The following ADGRV1 variants were observed in gnomAD, a reference collection of about 807,000 sequenced individuals.
ADGRV1 encodes the protein adhesion G protein-coupled receptor V1.
A neutral mutation model predicts 596.2 loss-of-function variants in ADGRV1; 359 were observed. That is an observed-to-expected ratio of 0.60 (90% confidence interval 0.55 to 0.66). The LOEUF is 0.66. ADGRV1 is among the 30% of genes least tolerant of loss of function. The pLI, the probability that ADGRV1 is intolerant of heterozygous loss-of-function variation, is 0.00. For synonymous variants in ADGRV1, 2,681 were observed against 2,679.2 expected (o/e 1.00, Z -0.02); for missense variants, 7,274 against 7,575.6 (o/e 0.96, Z 1.48).
At chr5:90,775,262 T>TA (rs1758106936) in intron 60 of ADGRV1, among the ~76,000 whole-genome samples, 1 of 152,172 alleles carries the variant, frequency 6.6e-6, no homozygotes, top group Non-Finnish European at 1.5e-5. Context: ...TCACTGTGTA[T>TA]ACTTAGGGTA....
chr5:90,728,050 G>A (rs879325254), intron 48 of ADGRV1, among the ~76,000 whole-genome samples: 2 of 152,102 alleles, frequency 1.3e-5, no homozygotes, highest in East Asian at 1.9e-4. Context: ...GGGAAAGGTC[G>A]CTGTATCCAT....
At chr5:90,978,898 A>T (rs1779850673) in intron 84 of ADGRV1, among the ~76,000 whole-genome samples, 1 of 152,228 alleles carries the variant, frequency 6.6e-6, no homozygotes, top group Admixed American at 6.5e-5. Context: ...ATATTTCTCA[A>T]TTAAAATTAT....
intron 83 of ADGRV1, chr5:90,929,421 T>A: frequency 6.5e-6 from 1 of 153,370 alleles, no homozygotes; most frequent in Non-Finnish European, 1.5e-5. Context: ...CCCCTTTCTT[T>A]GACTTGGAAA....
At chr5:90,777,784 T>C in intron 61 of ADGRV1, 121 bp from the exon 62 acceptor site, 2 of 926,934 alleles carry the variant, frequency 2.2e-6, no homozygotes, top group East Asian at 2.7e-5. Flanking sequence ...AATGAGGTTA[T>C]TTAAAAGAAA....
chr5:91,099,828 T>A (rs1415047918), intron 86 of ADGRV1, among the ~76,000 whole-genome samples: 1 of 152,172 alleles, frequency 6.6e-6, no homozygotes, highest in East Asian at 1.9e-4. Context: ...CTAATGAATT[T>A]CAATATATAG....
chr5:90,928,366 CTTCATTTCA>C (rs1242900482), intron 83 of ADGRV1, among the ~76,000 whole-genome samples: 2 of 151,840 alleles, frequency 1.3e-5, no homozygotes, highest in Non-Finnish European at 2.9e-5. Context: ...TTCCTTCTCA[CTTCATTTCA>C]TTCATTTCAT....
At chr5:90,958,283 C>CAAAAAAAAAAAAAAAAA (rs34676985) in intron 83 of ADGRV1, among the ~76,000 whole-genome samples, 11 of 72,794 alleles carry the variant, frequency 1.5e-4, no homozygotes, top group Non-Finnish European at 2.4e-4. Flanking sequence ...GACCTTGTCT[C>CAAAAAAAAAAAAAAAAA]AAAAAAAAAA....
intron 1 of ADGRV1, among the ~76,000 whole-genome samples, chr5:90,564,745 G>A (rs1451347310): frequency 4.6e-5 from 4 of 86,972 alleles, no homozygotes; most frequent in African/African-American, 2.5e-4. Context: ...TCCTGCCTCA[G>A]CCTCCCGAGT....
At chr5:91,035,861 T>TAATATATATATATATA in intron 85 of ADGRV1, among the ~76,000 whole-genome samples, 10 of 96,394 alleles carry the variant, frequency 1.0e-4, no homozygotes, top group South Asian at 3.5e-4. Flanking sequence ...TATATATATA[T>TAATATATATATATATA]TATATATATA....
At chr5:90,870,969 A>G (rs1165229131) in intron 83 of ADGRV1, among the ~76,000 whole-genome samples, 1 of 152,168 alleles carries the variant, frequency 6.6e-6, no homozygotes, top group Non-Finnish European at 1.5e-5. Flanking sequence ...ACCTAACTTA[A>G]TCACCTTATA....
In ADGRV1 at chr5:90,675,444, A is replaced by G; in HGVS notation, c.5312A>G (p.Gln1771Arg). Residue 1771 changes from glutamine (Q) to arginine (R), a missense_variant and splice_region_variant, in exon 24 of 90, where the codon CAG becomes CGG. By Grantham distance (43) the Gln-to-Arg change is conservative. Around this residue, in one of 5 missense-constraint regions of ADGRV1, gnomAD observed 3,643 missense variants for 3,809.2 expected, o/e 0.96. Transcript: ENST00000405460. The stretch of plus-strand genomic sequence containing the variant: ...ACAGCATTCAGTCCTGAGGATTACC[A>G]GGTAATTTACTCAGTCCTTTTGAAG... ...SLTAFSPEDY[Q>R]NVAGTLEFQP... 2 of 1,611,848 alleles carry G rather than the reference A, an allele frequency of 1.2e-6. No homozygotes were observed. Among genetic ancestry groups the G allele is most frequent in the South Asian group, 1.1e-5 (1 of 90,622 alleles).
At chr5:90,595,661 A>G (rs1285474728) in intron 1 of ADGRV1, among the ~76,000 whole-genome samples, 73 of 61,300 alleles carry the variant, frequency 1.2e-3, no homozygotes, top group Admixed American at 2.1e-3. Flanking sequence ...CGGGCGGGGA[A>G]CTGACCCCCC....
In ADGRV1 at chr5:90,944,012, A is replaced by G. The variant is rs946002180; in HGVS notation, c.17857-21403A>G. Among the ~76,000 whole-genome samples the G allele has an allele frequency of 2.0e-5, 3 of 152,024 alleles. No homozygotes were observed. In the South Asian group the frequency reaches 6.2e-4, roughly 32 times the overall value. ...CCCCTTTTTAAATTATCTTTATTGT[A>G]TTTACTATATTTGTAGTTATATATT... On this transcript the variant is annotated intron_variant, in intron 83 of 89. Coordinates refer to ENST00000405460, the MANE Select transcript of ADGRV1 (RefSeq NM_032119.4).
intron 25 of ADGRV1, among the ~76,000 whole-genome samples, chr5:90,679,191 G>A (rs531164003): frequency 2.6e-5 from 4 of 152,134 alleles, no homozygotes; most frequent in Non-Finnish European, 4.4e-5. Context: ...TTAGGCCTAA[G>A]TGTATGATTA....
intron 81 of ADGRV1, among the ~76,000 whole-genome samples, chr5:90,854,899 C>T (rs912502274): frequency 9.2e-5 from 14 of 152,294 alleles, no homozygotes; most frequent in African/African-American, 2.9e-4. Flanking sequence ...CTCAAAAACA[C>T]TGAAATTTCT....
chr5:90,988,227 T>TAGAA (rs1780656381), intron 85 of ADGRV1, among the ~76,000 whole-genome samples: 3 of 152,234 alleles, frequency 2.0e-5, no homozygotes, highest in Non-Finnish European at 4.4e-5. Context: ...TTTTGTCTGA[T>TAGAA]TATTCTAGAT....
At chr5:90,601,167 G>T (rs956847382) in intron 1 of ADGRV1, among the ~76,000 whole-genome samples, 2 of 151,958 alleles carry the variant, frequency 1.3e-5, no homozygotes, top group Non-Finnish European at 2.9e-5. Context: ...GAACCTGGCG[G>T]TGGAGGTTGC....
chr5:90,910,247 C>T (rs1008989124), intron 83 of ADGRV1, among the ~76,000 whole-genome samples: 2 of 152,238 alleles, frequency 1.3e-5, no homozygotes, highest in African/African-American at 4.8e-5. Context: ...GCTCCTAATA[C>T]TAGCTTTAGC....
chr5:90,739,628 C>T (rs931347350), intron 50 of ADGRV1, among the ~76,000 whole-genome samples: 3 of 152,194 alleles, frequency 2.0e-5, no homozygotes, highest in Admixed American at 1.3e-4. Context: ...TTCAGTAAGT[C>T]AGAGCTGTTG....
Sources: gnomAD v4.1 joint callset for allele counts (sites outside exome capture counted in the v4.1 genomes callset) on GRCh38, gnomAD v4.1.1 for gene constraint, gnomAD v4.1.1 regional missense constraint, MANE v1.5 for transcripts, NCBI Gene and HGNC (gene_info 2026-07-23, HGNC 2026-07-21) for gene names.